The following ANO1 variants were observed in gnomAD, a reference collection of about 807,000 sequenced individuals.
The protein encoded by ANO1 is anoctamin-1.
Under a neutral mutation model 124.0 loss-of-function variants are expected in ANO1, and 59 were observed. The observed-to-expected ratio is 0.48, with a 90% confidence interval of 0.39 to 0.59. The LOEUF (loss-of-function observed/expected upper bound fraction) is 0.59. Among genes scored for constraint, ANO1 ranks in the 20% least tolerant of loss-of-function variants. The pLI, the probability that ANO1 is intolerant of heterozygous loss-of-function variation, is 0.00. For missense variants in ANO1, 1,059 were observed against 1,328.0 expected (o/e 0.80, Z 3.15); for synonymous variants, 529 against 532.0 (o/e 0.99, Z 0.08).
At chr11:70,060,264 G>C (rs2135108359) in intron 1 of ANO1, among the ~76,000 whole-genome samples, 1 of 152,348 alleles carries the variant, frequency 6.6e-6, no homozygotes, top group South Asian at 2.1e-4. Flanking sequence ...AGTTCGGCTT[G>C]TTGGGAAGTG....
intron 1 of ANO1, chr11:70,072,729 C>G (rs1052210373): frequency 1.3e-5 from 2 of 152,344 alleles, no homozygotes; most frequent in Non-Finnish European, 2.9e-5. Context: ...AACTTTGGTG[C>G]ACTCACGCCC....
At chr11:70,039,607 G>A (rs557694136) in intron 1 of ANO1, among the ~76,000 whole-genome samples, 11 of 151,394 alleles carry the variant, frequency 7.3e-5, no homozygotes, top group African/African-American at 1.2e-4. Flanking sequence ...GCAGGTGGTA[G>A]TCCTACCTCC....
chr11:70,073,542 G>A (rs2044012189), upstream of ANO1, among the ~76,000 whole-genome samples: 1 of 152,198 alleles, frequency 6.6e-6, no homozygotes, highest in South Asian at 2.1e-4. Context: ...GGGAAGGAGA[G>A]TAAAGAGTGC....
chr11:69,970,550 A>T, the ANO1 span, among the ~76,000 whole-genome samples: 1 of 152,206 alleles, frequency 6.6e-6, no homozygotes, highest in Non-Finnish European at 1.5e-5. Flanking sequence ...AAATGTTTAC[A>T]TAAGGGGAAC....
At chr11:70,014,522 G>A (rs574860960) in intron 1 of ANO1, among the ~76,000 whole-genome samples, 1 of 152,260 alleles carries the variant, frequency 6.6e-6, no homozygotes, top group Admixed American at 6.5e-5. Flanking sequence ...GCACTTGGGA[G>A]TCCACCACAC....
At chr11:70,153,181 C>A in intron 14 of ANO1, 53 bp downstream of exon 14, 2 of 1,454,230 alleles carry the variant, frequency 1.4e-6, no homozygotes, top group Non-Finnish European at 1.9e-6. Flanking sequence ...CTGTGTTCAT[C>A]AACCATGTAG....
chr11:70,153,786 G>C (rs1172895616), intron 14 of ANO1, among the ~76,000 whole-genome samples: 1 of 152,062 alleles, frequency 6.6e-6, no homozygotes, highest in Non-Finnish European at 1.5e-5. Flanking sequence ...TGTTTTTTGA[G>C]ACAGAGTCTC....
intron 1 of ANO1, among the ~76,000 whole-genome samples, chr11:70,058,984 C>T (rs1330085530): frequency 3.3e-5 from 5 of 151,252 alleles, no homozygotes; most frequent in Admixed American, 3.3e-4. Flanking sequence ...GAGATCAAGA[C>T]CATCCTGGCT....
intron 2 of ANO1, among the ~76,000 whole-genome samples, chr11:70,095,529 AG>A (rs1307050223): frequency 6.6e-6 from 1 of 152,252 alleles, no homozygotes; most frequent in African/African-American, 2.4e-5. Context: ...GCTCTGCCAC[AG>A]GGCATCCCAG....
intron 1 of ANO1, among the ~76,000 whole-genome samples, chr11:70,001,815 T>A (rs1349254055): frequency 6.6e-6 from 1 of 152,076 alleles, no homozygotes; most frequent in Non-Finnish European, 1.5e-5. Context: ...TTTTGTTTTT[T>A]TGAGACAGAT....
chr11:69,978,345 G>GT, the ANO1 span, among the ~76,000 whole-genome samples: 1 of 152,036 alleles, frequency 6.6e-6, no homozygotes, highest in African/African-American at 2.4e-5. Context: ...GTTTTTTCTT[G>GT]TTTTTTGGTT....
At position 70,010,159 on chromosome 11, in the gene ANO1, G is replaced by GTATATATATATGTATA. The variant is rs1565159656; in HGVS notation, c.58+23994_58+23995insATATATATATGTATAT. ...GGTGTGTGTGTGTGTGTGTGTGTGT[G>GTATATATATATGTATA]TGTGTGCGCGTGTGTGTGTGTATAT... On this transcript the variant is annotated intron_variant, in intron 1 of 27. Transcript: ENST00000531349. Among the ~76,000 whole-genome samples the GTATATATATATGTATA allele has an allele frequency of 1.5e-4, 8 of 52,512 alleles. 2 individuals carry two copies. In the South Asian group the frequency reaches 9.3e-3, roughly 61 times the overall value. 34.4% of individuals were successfully genotyped at this position (52,512 alleles called of 152,430 possible).
At chr11:70,011,126 C>T (rs1412539654) in intron 1 of ANO1, among the ~76,000 whole-genome samples, 1 of 152,162 alleles carries the variant, frequency 6.6e-6, no homozygotes, top group Non-Finnish European at 1.5e-5. Context: ...TTTACTCTCA[C>T]AACATGCAGA....
chr11:70,070,285 A>C (rs782048663), intron 1 of ANO1, among the ~76,000 whole-genome samples: 3 of 152,182 alleles, frequency 2.0e-5, no homozygotes, highest in Non-Finnish European at 4.4e-5. Context: ...GGGGAGGCAG[A>C]GGGAAAACAA....
the ANO1 span, among the ~76,000 whole-genome samples, chr11:69,976,507 TAAAAAAAAAAA>T: frequency 5.4e-5 from 4 of 74,500 alleles, no homozygotes; most frequent in Non-Finnish European, 9.4e-5. Context: ...ACTCCGTCTC[TAAAAAAAAAAA>T]AAAAAAAAAA....
At chr11:70,162,748 T>C (rs1426294020) in intron 18 of ANO1, among the ~76,000 whole-genome samples, 1 of 152,182 alleles carries the variant, frequency 6.6e-6, no homozygotes, top group Non-Finnish European at 1.5e-5. Flanking sequence ...AGGGGTCCAG[T>C]GCCCCCTGAG....
At chr11:70,182,827 A>T (rs2048979873) in intron 24 of ANO1, 141 bp downstream of exon 24, 2 of 857,480 alleles carry the variant, frequency 2.3e-6, no homozygotes, top group Non-Finnish European at 3.3e-6. Context: ...AAAAAAAAAA[A>T]GGCTGGTGCA....
chr11:70,147,349 G>T (rs1160164957), intron 11 of ANO1, among the ~76,000 whole-genome samples: 4 of 152,224 alleles, frequency 2.6e-5, no homozygotes, highest in Admixed American at 2.6e-4. Context: ...GCCTCCTGGG[G>T]AGGGTGCCCA....
intron 1 of ANO1, among the ~76,000 whole-genome samples, chr11:70,068,547 G>A (rs1398916071): frequency 6.6e-6 from 1 of 152,258 alleles, no homozygotes; most frequent in South Asian, 2.1e-4. Flanking sequence ...GTGGGGCCAG[G>A]GCAGACCCTG....
Sources: allele counts gnomAD v4.1 joint callset (sites outside exome capture counted in the v4.1 genomes callset), GRCh38; gene constraint gnomAD v4.1.1; transcripts MANE v1.5; gene names NCBI Gene and HGNC (gene_info 2026-07-23, HGNC 2026-07-21).